Variants in PTPRD observed in about 807,000 individuals in gnomAD.
PTPRD encodes protein tyrosine phosphatase receptor type D.
Under a neutral mutation model 214.5 loss-of-function variants are expected in PTPRD, and 34 were observed. That is an observed-to-expected ratio of 0.16 (90% CI 0.12 to 0.21). The LOEUF is 0.21. PTPRD is among the 10% of genes least tolerant of loss of function. PTPRD has a pLI of 1.00. For missense variants in PTPRD, 2,545 were observed against 2,398.7 expected (o/e 1.06, Z -1.27); for synonymous variants, 1,128 against 845.7 (o/e 1.33, Z -5.79).
intron 10 of PTPRD, among the ~76,000 whole-genome samples, chr9:9,129,780 G>C (rs1262738441): frequency 1.3e-5 from 2 of 152,040 alleles, no homozygotes; most frequent in Admixed American, 1.3e-4. Context: ...TATTGACATT[G>C]TAGTTATTTG....
chr9:10,235,814 C>T (rs2099627005), intron 3 of PTPRD, among the ~76,000 whole-genome samples: 2 of 151,988 alleles, frequency 1.3e-5, no homozygotes, highest in African/African-American at 2.4e-5. Context: ...AAATGACCTA[C>T]AATAGGACCA....
intron 8 of PTPRD, among the ~76,000 whole-genome samples, chr9:9,471,175 C>T (rs1464433702): frequency 6.6e-6 from 1 of 152,156 alleles, no homozygotes; most frequent in Non-Finnish European, 1.5e-5. Context: ...TTTTCCCAGA[C>T]ATATTTTAAT....
At chr9:8,995,848 C>G in intron 11 of PTPRD, among the ~76,000 whole-genome samples, 2 of 151,474 alleles carry the variant, frequency 1.3e-5, no homozygotes, top group African/African-American at 4.9e-5. Context: ...GAGGGGCAAA[C>G]TGACACAATG....
At chr9:8,374,158 T>C (rs2082519335) in intron 39 of PTPRD, among the ~76,000 whole-genome samples, 1 of 150,860 alleles carries the variant, frequency 6.6e-6, no homozygotes. Flanking sequence ...GTGTGTACCG[T>C]ATTTTTGCCA....
intron 5 of PTPRD, among the ~76,000 whole-genome samples, chr9:9,930,767 C>A (rs1364927829): frequency 6.6e-6 from 1 of 151,772 alleles, no homozygotes; most frequent in Non-Finnish European, 1.5e-5. Context: ...TGAAGCAGAA[C>A]AATATAAGTG....
intron 11 of PTPRD, among the ~76,000 whole-genome samples, chr9:9,007,979 T>C (rs955827905): frequency 3.8e-5 from 1 of 26,484 alleles, no homozygotes; most frequent in African/African-American, 7.7e-5. Flanking sequence ...ATGCGCAGGT[T>C]AGTTACATAT....
At chr9:9,714,945 T>A (rs1197496326) in intron 7 of PTPRD, among the ~76,000 whole-genome samples, 1 of 152,206 alleles carries the variant, frequency 6.6e-6, no homozygotes, top group African/African-American at 2.4e-5. Context: ...ATATTATGTT[T>A]TTTATTGTTG....
intron 39 of PTPRD, among the ~76,000 whole-genome samples, chr9:8,367,454 A>G (rs1414245326): frequency 1.3e-5 from 2 of 152,186 alleles, no homozygotes; most frequent in Non-Finnish European, 2.9e-5. Context: ...TAAGCATCCT[A>G]TAATGTATAG....
At chr9:10,454,536 T>C (rs1566150895) in intron 2 of PTPRD, among the ~76,000 whole-genome samples, 1 of 151,854 alleles carries the variant, frequency 6.6e-6, no homozygotes, top group East Asian at 1.9e-4. Flanking sequence ...CAGTAGACTA[T>C]GCCTCCTACT....
At chr9:8,661,842 T>G (rs1003480432) in intron 12 of PTPRD, among the ~76,000 whole-genome samples, 1 of 152,352 alleles carries the variant, frequency 6.6e-6, no homozygotes, top group Middle Eastern at 3.4e-3. Context: ...TTCTAAAACT[T>G]CATAGCATTT....
chr9:8,685,222 A>C (rs1448575311), intron 12 of PTPRD, among the ~76,000 whole-genome samples: 2 of 152,104 alleles, frequency 1.3e-5, no homozygotes, highest in East Asian at 3.9e-4. Context: ...GGAAACAAAA[A>C]GGCCTCTACA....
chr9:9,669,034 AT>A (rs1295600346), intron 7 of PTPRD, among the ~76,000 whole-genome samples: 3 of 151,792 alleles, frequency 2.0e-5, no homozygotes, highest in Admixed American at 6.6e-5. Flanking sequence ...ACAAAGGGTA[AT>A]TTTTTTTGGC....
At chr9:10,023,217 G>T (rs1010322307) in intron 4 of PTPRD, among the ~76,000 whole-genome samples, 3 of 152,072 alleles carry the variant, frequency 2.0e-5, no homozygotes, top group African/African-American at 7.2e-5. Context: ...AATCAAATTA[G>T]AATTAATCAT....
chr9:9,585,064 A>G (rs2091690023), intron 7 of PTPRD, among the ~76,000 whole-genome samples: 1 of 152,104 alleles, frequency 6.6e-6, no homozygotes, highest in Non-Finnish European at 1.5e-5. Flanking sequence ...CTCTTTTTCC[A>G]GGAATTACAA....
At chr9:9,843,522 A>T (rs1024844981) in intron 5 of PTPRD, among the ~76,000 whole-genome samples, 14 of 151,930 alleles carry the variant, frequency 9.2e-5, no homozygotes, top group African/African-American at 3.1e-4. Context: ...TTTTATAAGA[A>T]TTATAATACC....
In PTPRD at chr9:8,907,532, AAAT is replaced by A. The variant is rs1371724948; in HGVS notation, c.-104+111162_-104+111164del. Among the ~76,000 whole-genome samples the A allele has an allele frequency of 4.9e-3, 664 of 134,884 alleles. 1 individual carries two copies. Among genetic ancestry groups the A allele is most frequent in the African/African-American group, 0.017 (614 of 36,288 alleles). 88.5% of individuals were successfully genotyped at this position (134,884 alleles called of 152,430 possible). The stretch of plus-strand genomic sequence containing the variant: ...GACTCCGTCTCAAAAAAAAAAAAAA[AAAT>A]ATATATATATATATATATAAAGAAG... On this transcript the variant is annotated intron_variant, in intron 11 of 45. Transcript: ENST00000381196.
chr9:8,643,094 C>T (rs977224125), intron 12 of PTPRD, among the ~76,000 whole-genome samples: 3 of 149,354 alleles, frequency 2.0e-5, no homozygotes, highest in African/African-American at 7.7e-5. Context: ...ATCAAACAGA[C>T]TTTCAAAAAA....
At chr9:10,467,192 A>T (rs1484335679) in intron 2 of PTPRD, among the ~76,000 whole-genome samples, 1 of 152,172 alleles carries the variant, frequency 6.6e-6, no homozygotes, top group African/African-American at 2.4e-5. Context: ...TTCACTACTT[A>T]TGGGGGCAGA....
chr9:8,691,679 A>T (rs555539220), intron 12 of PTPRD, among the ~76,000 whole-genome samples: 2 of 152,204 alleles, frequency 1.3e-5, no homozygotes, highest in Non-Finnish European at 2.9e-5. Flanking sequence ...CCAGATTCCA[A>T]GAGGCCAAAC....
Sources: allele counts gnomAD v4.1 joint callset (sites outside exome capture counted in the v4.1 genomes callset), GRCh38; gene constraint gnomAD v4.1.1; transcripts MANE v1.5; gene names NCBI Gene and HGNC (gene_info 2026-07-23, HGNC 2026-07-21).